Variants in KCNE1 observed in about 807,000 individuals in gnomAD.
The protein encoded by KCNE1 is potassium voltage-gated channel subfamily E regulatory subunit 1, also known as potassium voltage-gated channel subfamily E member 1.
KCNE1 carries 1 observed loss-of-function variant against 2.9 expected under a neutral mutation model. The ratio of observed to expected loss-of-function variants is 0.34; its 90% CI spans 0.12 to 1.62. The LOEUF (loss-of-function observed/expected upper bound fraction) is 1.62, where lower values mean the gene tolerates loss of function less well. Ranked by LOEUF, KCNE1 falls within the 40% of genes most tolerant of loss-of-function variation. The probability of loss-of-function intolerance (pLI) is 0.36; values close to 1 mark genes in which losing one functional copy is unlikely to be tolerated. For missense variants in KCNE1, 45 were observed against 150.5 expected, an observed-to-expected ratio of 0.30 and a Z score of 3.67; for synonymous variants, 23 against 65.4, an observed-to-expected ratio of 0.35 and a Z score of 3.13.
intron 2 of KCNE1, among the ~76,000 whole-genome samples, chr21:34,503,130 C>A (rs1015599006): frequency 2.0e-5 from 3 of 152,184 alleles, no homozygotes; most frequent in South Asian, 2.1e-4. Context: ...CCTTGCACAC[C>A]AATTGCAAGC....
chr21:34,508,769 G>C (rs936782346), intron 2 of KCNE1, among the ~76,000 whole-genome samples: 2 of 152,212 alleles, frequency 1.3e-5, no homozygotes, highest in Non-Finnish European at 2.9e-5. Context: ...ATGCAATACA[G>C]CTAGAGTCCC....
At chr21:34,499,473 C>G (rs1452453710) in intron 2 of KCNE1, among the ~76,000 whole-genome samples, 1 of 152,236 alleles carries the variant, frequency 6.6e-6, no homozygotes, top group Non-Finnish European at 1.5e-5. Flanking sequence ...ACAAAGCTCA[C>G]TTGGAAGCTT....
chr21:34,503,410 C>A (rs1036591613), intron 2 of KCNE1, among the ~76,000 whole-genome samples: 2 of 152,178 alleles, frequency 1.3e-5, no homozygotes, highest in Non-Finnish European at 2.9e-5. Context: ...GTTCAGCTGT[C>A]CAGAGCTCCC....
At chr21:34,506,225 G>C (rs890482222) in intron 2 of KCNE1, among the ~76,000 whole-genome samples, 1 of 152,154 alleles carries the variant, frequency 6.6e-6, no homozygotes, top group Non-Finnish European at 1.5e-5. Flanking sequence ...AGATCCCACG[G>C]GGACAAGCTT....
Position 34,452,256 on chromosome 21 carries a change from A to T in KCNE1, c.-50-2572T>A, listed in dbSNP as rs1453188560. 7.8e-5 allele frequency among the ~76,000 whole-genome samples: 3 copies of T among 38,250 alleles called. 1 individual carries two copies. Among genetic ancestry groups the T allele is most frequent in the Non-Finnish European group, 1.4e-4 (3 of 21,016 alleles). The allele number at this position is 38,250 out of a possible 152,430, so 25.1% of individuals were successfully genotyped here. A position where few individuals can be genotyped will look rare whatever the true frequency, so the allele number is the denominator to read the frequency against. On this transcript the variant is annotated intron_variant, in intron 3 of 3. Transcript: ENST00000399286. ...TTCTCAGCAATGCCTACTCATGCTT[A>T]AAATTCAGCCCAGCTCTCACCTCCT...
At chr21:34,497,705 T>A (rs1286464901) in intron 2 of KCNE1, among the ~76,000 whole-genome samples, 1 of 152,210 alleles carries the variant, frequency 6.6e-6, no homozygotes, top group Non-Finnish European at 1.5e-5. Context: ...TTCTTTGAGC[T>A]TGTTTGATAT....
chr21:34,497,843 A>T (rs898236560), intron 2 of KCNE1, among the ~76,000 whole-genome samples: 1 of 152,022 alleles, frequency 6.6e-6, no homozygotes, highest in Non-Finnish European at 1.5e-5. Flanking sequence ...ACATAATCCC[A>T]AATTTCTTGG....
intron 2 of KCNE1, among the ~76,000 whole-genome samples, chr21:34,500,703 A>G (rs1983112139): frequency 1.3e-5 from 2 of 152,318 alleles, no homozygotes; most frequent in South Asian, 2.1e-4. Flanking sequence ...CACATATATA[A>G]TCTTATTTTT....
At chr21:34,499,976 C>T (rs1043302385) in intron 2 of KCNE1, among the ~76,000 whole-genome samples, 1 of 152,192 alleles carries the variant, frequency 6.6e-6, no homozygotes, top group South Asian at 2.1e-4. Flanking sequence ...TAAAACCTGG[C>T]AATTTATTTT....
chr21:34,502,027 G>A (rs1448309192), intron 2 of KCNE1, among the ~76,000 whole-genome samples: 1 of 152,200 alleles, frequency 6.6e-6, no homozygotes, highest in African/African-American at 2.4e-5. Context: ...GTGTAGGAAT[G>A]TTGATGTCAT....
chr21:34,509,401 G>A (rs959069915), intron 2 of KCNE1: 1 of 152,130 alleles, frequency 6.6e-6, no homozygotes, highest in African/African-American at 2.4e-5. Flanking sequence ...GTCCTCTCAG[G>A]GTTCACCTGA....
chr21:34,501,269 A>T (rs748243909), intron 2 of KCNE1, among the ~76,000 whole-genome samples: 2 of 152,242 alleles, frequency 1.3e-5, no homozygotes, highest in Non-Finnish European at 2.9e-5. Flanking sequence ...TATCCACTAT[A>T]GTAAGTTACT....
At chr21:34,506,181 C>G (rs1490216996) in intron 2 of KCNE1, among the ~76,000 whole-genome samples, 1 of 152,176 alleles carries the variant, frequency 6.6e-6, no homozygotes, top group East Asian at 1.9e-4. Context: ...TCAGGAATGT[C>G]CCCTCTGTCC....
chr21:34,504,537 G>T (rs914632499), intron 2 of KCNE1, among the ~76,000 whole-genome samples: 3 of 152,142 alleles, frequency 2.0e-5, no homozygotes, highest in Non-Finnish European at 4.4e-5. Context: ...AGCTATCACA[G>T]GACTCAGCAA....
In KCNE1 at chr21:34,511,314, T is replaced by C. The variant is rs41315349; in HGVS notation, c.-375A>G. 3,676 of 985,560 alleles carry C rather than the reference T, an allele frequency of 3.7e-3. 101 individuals are homozygous for C. In the African/African-American group the frequency reaches 0.059, roughly 16 times the overall value. The allele number at this position is 985,560 out of a possible 1,614,324, so 61.1% of individuals were successfully genotyped here. A position where few individuals can be genotyped will look rare whatever the true frequency, so the allele number is the denominator to read the frequency against. On this transcript the variant is annotated splice_region_variant and 5_prime_UTR_variant, in exon 2 of 4. Transcript: ENST00000399286. ...CCGAAGGGCTTGTCTGTTTGGTGGT[T>C]GCTAAGGTTTGAAAAAAGCCAGCTG...
At chr21:34,497,470 G>T (rs1217639778) in intron 2 of KCNE1, among the ~76,000 whole-genome samples, 1 of 152,066 alleles carries the variant, frequency 6.6e-6, no homozygotes, top group Admixed American at 6.5e-5. Context: ...AAAATTCTTG[G>T]TTAACAATTA....
chr21:34,505,694 ACCT>A (rs984556975), intron 2 of KCNE1, among the ~76,000 whole-genome samples: 1 of 152,094 alleles, frequency 6.6e-6, no homozygotes, highest in Non-Finnish European at 1.5e-5. Flanking sequence ...CAAGCTGCTC[ACCT>A]CCTGTTGCCA....
chr21:34,503,587 G>A (rs994172759), intron 2 of KCNE1, among the ~76,000 whole-genome samples: 1 of 152,134 alleles, frequency 6.6e-6, no homozygotes, highest in East Asian at 1.9e-4. Flanking sequence ...GTCTATGGAC[G>A]ACCAGTTCCC....
At chr21:34,504,003 G>C (rs999306108) in intron 2 of KCNE1, among the ~76,000 whole-genome samples, 1 of 152,178 alleles carries the variant, frequency 6.6e-6, no homozygotes, top group African/African-American at 2.4e-5. Context: ...CATCCCCCAT[G>C]TCCGGTCACA....
Sources: allele counts gnomAD v4.1 joint callset (sites outside exome capture counted in the v4.1 genomes callset), GRCh38; gene constraint gnomAD v4.1.1; transcripts MANE v1.5; gene names NCBI Gene and HGNC (gene_info 2026-07-23, HGNC 2026-07-21).